The following PDE3B variants were observed in gnomAD, a reference collection of about 807,000 sequenced individuals.
PDE3B encodes the protein cGMP-inhibited 3',5'-cyclic phosphodiesterase 3B.
In PDE3B, 66 loss-of-function variants were observed where a neutral mutation model predicts 116.8. The observed-to-expected ratio is 0.56, with a 90% CI of 0.46 to 0.69. The LOEUF is 0.69. Among genes scored for constraint, PDE3B ranks in the 30% least tolerant of loss-of-function variants. PDE3B has a pLI of 0.00. For missense variants in PDE3B, 1,384 were observed against 1,368.1 expected (o/e 1.01, Z -0.18); for synonymous variants, 595 against 533.6 (o/e 1.12, Z -1.59).
intron 1 of PDE3B, among the ~76,000 whole-genome samples, chr11:14,704,759 G>A (rs941999804): frequency 2.0e-5 from 3 of 151,564 alleles, no homozygotes; most frequent in Admixed American, 2.0e-4. Context: ...AACTTAAAAT[G>A]TGTCATAGAC....
intron 1 of PDE3B, among the ~76,000 whole-genome samples, chr11:14,701,652 G>A (rs1402945197): frequency 6.6e-6 from 1 of 151,626 alleles, no homozygotes; most frequent in African/African-American, 2.4e-5. Flanking sequence ...GATAATTGAA[G>A]AGTTAGCTCT....
intron 12 of PDE3B, among the ~76,000 whole-genome samples, chr11:14,851,338 A>AT (rs1043288285): frequency 6.6e-6 from 1 of 151,316 alleles, no homozygotes; most frequent in African/African-American, 2.4e-5. Flanking sequence ...TGATCCTTTC[A>AT]TTTTCTGTAG....
intron 5 of PDE3B, among the ~76,000 whole-genome samples, chr11:14,806,426 T>C (rs1420562931): frequency 6.4e-5 from 9 of 141,306 alleles, no homozygotes; most frequent in East Asian, 4.5e-4. Context: ...CCAGCCTGGG[T>C]GACAGAGCAA....
intron 1 of PDE3B, among the ~76,000 whole-genome samples, chr11:14,668,040 A>T (rs1288804653): frequency 6.6e-6 from 1 of 152,076 alleles, no homozygotes. Context: ...AGTAAAAAAA[A>T]AAAAGGTTTG....
chr11:14,799,718 A>G (rs958632476), intron 4 of PDE3B, among the ~76,000 whole-genome samples: 1 of 147,562 alleles, frequency 6.8e-6, no homozygotes, highest in Non-Finnish European at 1.5e-5. Context: ...TTGTTGGTTT[A>G]AAGTCTGTTT....
At chr11:14,721,992 A>T (rs1219602381) in intron 1 of PDE3B, among the ~76,000 whole-genome samples, 1 of 151,678 alleles carries the variant, frequency 6.6e-6, no homozygotes, top group African/African-American at 2.4e-5. Flanking sequence ...GTAAAAAATG[A>T]TGAGTTCATG....
intron 7 of PDE3B, among the ~76,000 whole-genome samples, chr11:14,828,274 A>G (rs1200144357): frequency 6.6e-6 from 1 of 152,188 alleles, no homozygotes; most frequent in Non-Finnish European, 1.5e-5. Context: ...AGATTTCATG[A>G]CAAAGATGCC....
intron 5 of PDE3B, among the ~76,000 whole-genome samples, chr11:14,817,464 C>A (rs370621830): frequency 1.3e-5 from 2 of 152,048 alleles, no homozygotes; most frequent in South Asian, 2.1e-4. Context: ...AATTTTAGTT[C>A]TTTGGCCAGA....
intron 1 of PDE3B, among the ~76,000 whole-genome samples, chr11:14,682,225 A>G (rs1273126808): frequency 2.0e-5 from 3 of 152,196 alleles, no homozygotes; most frequent in Non-Finnish European, 2.9e-5. Flanking sequence ...AAATCCACAT[A>G]TAAGTGGACC....
intron 4 of PDE3B, among the ~76,000 whole-genome samples, chr11:14,799,639 A>G (rs1244472588): frequency 1.3e-5 from 2 of 151,872 alleles, no homozygotes; most frequent in African/African-American, 2.4e-5. Context: ...ATATATATTT[A>G]GGATGGTTAG....
chr11:14,891,944 G>A, the PDE3B span: 1 of 1,603,676 alleles, frequency 6.2e-7, no homozygotes, highest in Non-Finnish European at 8.5e-7. Flanking sequence ...GGGCCAGCCT[G>A]GCGGCCCTCC....
chr11:14,813,313 TA>T (rs1374868573), intron 5 of PDE3B, among the ~76,000 whole-genome samples: 3 of 152,160 alleles, frequency 2.0e-5, no homozygotes, highest in African/African-American at 7.2e-5. Context: ...CTGGAGGCTT[TA>T]GGGGGTAATC....
At chr11:14,702,908 C>A (rs879687999) in intron 1 of PDE3B, among the ~76,000 whole-genome samples, 1 of 151,920 alleles carries the variant, frequency 6.6e-6, no homozygotes, top group Non-Finnish European at 1.5e-5. Context: ...GAGTTACTGA[C>A]TCCCTGTCAC....
At chr11:14,745,559 T>C (rs1186435009) in intron 1 of PDE3B, among the ~76,000 whole-genome samples, 1 of 152,250 alleles carries the variant, frequency 6.6e-6, no homozygotes, top group African/African-American at 2.4e-5. Context: ...TGATTTCTGC[T>C]CACCATCATT....
At chr11:14,819,262 GATTTTTAGAAT>G in intron 7 of PDE3B, 53 bp downstream of exon 7, 1 of 1,054,804 alleles carries the variant, frequency 9.5e-7, no homozygotes, top group East Asian at 2.4e-5. Flanking sequence ...TTCTTACAAT[GATTTTTAGAAT>G]GGGAAAATGA....
chr11:14,786,406 T>C, intron 2 of PDE3B, 31 bp from the exon 3 acceptor site: 1 of 1,572,684 alleles, frequency 6.4e-7, no homozygotes, highest in Non-Finnish European at 8.7e-7. Context: ...CATGTACAAA[T>C]GAATGAAAAT....
chr11:14,716,162 C>T (rs1565104547), intron 1 of PDE3B, among the ~76,000 whole-genome samples: 2 of 151,982 alleles, frequency 1.3e-5, no homozygotes, highest in South Asian at 2.1e-4. Context: ...GGGTGACGGA[C>T]GCACCTGGAA....
intron 12 of PDE3B, among the ~76,000 whole-genome samples, chr11:14,858,222 T>C (rs1029801402): frequency 6.6e-6 from 1 of 152,060 alleles, no homozygotes; most frequent in African/African-American, 2.4e-5. Context: ...AAAACAGGGA[T>C]AGGGTTTTAA....
At position 14,802,289 on chromosome 11, in the gene PDE3B, G is replaced by A. The variant is rs539071369; in HGVS notation, c.1416-1655G>A. ...CCAGGGCCCCGGTGGGGTAGGCACC[G>A]GAGGGAATCTCTTGGTCTGTGGATT... On this transcript the variant is annotated intron_variant, in intron 4 of 15. Coordinates refer to ENST00000282096, the MANE Select transcript of PDE3B (RefSeq NM_000922.4). 2.6e-3 allele frequency among the ~76,000 whole-genome samples: 391 copies of A among 152,288 alleles called. 1 individual carries two copies. The highest frequency in any genetic ancestry group is 8.9e-3 in the African/African-American group (369 of 41,560).
Sources: allele counts gnomAD v4.1 joint callset (sites outside exome capture counted in the v4.1 genomes callset), GRCh38; gene constraint gnomAD v4.1.1; transcripts MANE v1.5; gene names NCBI Gene and HGNC (gene_info 2026-07-23, HGNC 2026-07-21).